Variants in SYN3 observed in about 807,000 individuals in gnomAD.
SYN3 encodes the protein synapsin-3.
A neutral mutation model predicts 65.8 loss-of-function variants in SYN3; 35 were observed. The ratio of observed to expected loss-of-function variants is 0.53; its 90% confidence interval spans 0.41 to 0.70. The LOEUF (loss-of-function observed/expected upper bound fraction) is 0.70. SYN3 is among the 30% of genes least tolerant of loss of function. The probability of loss-of-function intolerance (pLI) is 0.00; values close to 1 mark genes in which losing one functional copy is unlikely to be tolerated. For synonymous variants in SYN3, 270 were observed against 292.9 expected (o/e 0.92, Z 0.80); for missense variants, 680 against 749.0 (o/e 0.91, Z 1.08).
At chr22:32,562,135 A>G (rs1390254750) in intron 7 of SYN3, among the ~76,000 whole-genome samples, 3 of 152,218 alleles carry the variant, frequency 2.0e-5, no homozygotes, top group African/African-American at 7.2e-5. Flanking sequence ...AAGAGATAAC[A>G]TCCCCCCCAA....
At chr22:32,795,898 G>A (rs1001377512) in intron 6 of SYN3, among the ~76,000 whole-genome samples, 1 of 152,140 alleles carries the variant, frequency 6.6e-6, no homozygotes, top group Non-Finnish European at 1.5e-5. Flanking sequence ...TTCCACTGAA[G>A]AAAGCTCATG....
chr22:32,755,686 C>T (rs2045268168), intron 6 of SYN3, among the ~76,000 whole-genome samples: 1 of 152,274 alleles, frequency 6.6e-6, no homozygotes, highest in Non-Finnish European at 1.5e-5. Context: ...GGAGGAAGAA[C>T]ACTTTGTCAT....
At chr22:32,634,325 G>A (rs1251609948) in intron 6 of SYN3, among the ~76,000 whole-genome samples, 2 of 152,114 alleles carry the variant, frequency 1.3e-5, no homozygotes, top group South Asian at 2.1e-4. Context: ...ACCACTAGAC[G>A]ATAGCATCTG....
At chr22:32,827,865 A>T (rs1435766660) in intron 6 of SYN3, among the ~76,000 whole-genome samples, 1 of 152,074 alleles carries the variant, frequency 6.6e-6, no homozygotes, top group East Asian at 1.9e-4. Context: ...TTCCAGGAAC[A>T]CCTCATCCCC....
At chr22:32,799,571 G>A (rs1303188256) in intron 6 of SYN3, among the ~76,000 whole-genome samples, 1 of 152,200 alleles carries the variant, frequency 6.6e-6, no homozygotes, top group Non-Finnish European at 1.5e-5. Context: ...AGAAAGGGAA[G>A]AGAGGGCCTC....
rs779619074 is a variant in SYN3, at chr22:32,610,659, C to T, written c.712-13923G>A. 4.6e-5 allele frequency among the ~76,000 whole-genome samples: 7 copies of T among 152,026 alleles called. No homozygotes were observed. In the South Asian group the frequency reaches 8.3e-4, roughly 18 times the overall value. On this transcript the variant is annotated intron_variant, in intron 6 of 13. Transcript: ENST00000358763. The stretch of plus-strand genomic sequence containing the variant: ...GTGCAATCACGCAATCTTGGCTCAC[C>T]GCAACCTCCCCCTCCAGATGTCAAG...
intron 6 of SYN3, among the ~76,000 whole-genome samples, chr22:32,666,380 G>GC (rs130734): frequency 1 from 152,255 of 152,256 alleles, 76,127 homozygotes; most frequent in Non-Finnish European, 1. Context: ...CAGGCATTCA[G>GC]CACCAGGGCC....
At chr22:32,992,459 G>A (rs752438336) in intron 2 of SYN3, among the ~76,000 whole-genome samples, 32 of 152,326 alleles carry the variant, frequency 2.1e-4, no homozygotes, top group Admixed American at 7.8e-4. Flanking sequence ...CCAGGTGGGA[G>A]CGTCATGAAA....
At chr22:32,873,441 T>C (rs1008669996) in intron 4 of SYN3, among the ~76,000 whole-genome samples, 50 of 152,178 alleles carry the variant, frequency 3.3e-4, no homozygotes, top group African/African-American at 1.2e-3. Flanking sequence ...GTTTGGAGAG[T>C]ATTCCAGGCA....
intron 6 of SYN3, among the ~76,000 whole-genome samples, chr22:32,840,458 AAG>A (rs1462708135): frequency 3.9e-5 from 6 of 152,012 alleles, no homozygotes; most frequent in African/African-American, 1.4e-4. Flanking sequence ...GACTTCTCTG[AAG>A]AGAGAGAGTT....
intron 4 of SYN3, among the ~76,000 whole-genome samples, chr22:32,917,819 C>G (rs561223906): frequency 2.5e-4 from 38 of 152,380 alleles, no homozygotes; most frequent in African/African-American, 8.2e-4. Context: ...AGCCTGGCAT[C>G]GCTTTACAGG....
chr22:32,739,174 A>AGT (rs371077953), intron 6 of SYN3, among the ~76,000 whole-genome samples: 13 of 146,130 alleles, frequency 8.9e-5, no homozygotes, highest in Non-Finnish European at 1.3e-4. Flanking sequence ...ATTGAATCAC[A>AGT]GGGGGGGGGC....
chr22:32,523,239 G>A (rs1354044344), intron 12 of SYN3, among the ~76,000 whole-genome samples: 4 of 152,218 alleles, frequency 2.6e-5, no homozygotes, highest in Non-Finnish European at 5.9e-5. Context: ...CTGGCCGGGC[G>A]TGGTGGCTCA....
intron 6 of SYN3, among the ~76,000 whole-genome samples, chr22:32,855,926 T>C (rs1278779662): frequency 2.6e-5 from 4 of 152,230 alleles, no homozygotes; most frequent in Non-Finnish European, 4.4e-5. Context: ...TAAAACTCTT[T>C]GAACTTTGTA....
At chr22:32,628,190 AAG>A (rs1168548365) in intron 6 of SYN3, among the ~76,000 whole-genome samples, 1 of 152,018 alleles carries the variant, frequency 6.6e-6, no homozygotes, top group Non-Finnish European at 1.5e-5. Context: ...CGGCTACCAG[AAG>A]AGTGTGGGCA....
chr22:32,580,342 C>A (rs1176941229), intron 7 of SYN3, among the ~76,000 whole-genome samples: 2 of 152,102 alleles, frequency 1.3e-5, no homozygotes, highest in Non-Finnish European at 1.5e-5. Context: ...AACCATGGCC[C>A]AAAAATAGGT....
At chr22:32,552,043 G>A (rs1555894710) in intron 7 of SYN3, among the ~76,000 whole-genome samples, 1 of 152,194 alleles carries the variant, frequency 6.6e-6, no homozygotes, top group Non-Finnish European at 1.5e-5. Context: ...GAGGTTAAGA[G>A]TTGAGACCAG....
intron 6 of SYN3, among the ~76,000 whole-genome samples, chr22:32,724,772 CA>C (rs1231517806): frequency 1.3e-5 from 2 of 152,136 alleles, no homozygotes; most frequent in Non-Finnish European, 2.9e-5. Flanking sequence ...AGGACTCTGG[CA>C]TCCTGAAAAA....
intron 6 of SYN3, among the ~76,000 whole-genome samples, chr22:32,844,413 G>A (rs2048003411): frequency 6.6e-6 from 1 of 152,196 alleles, no homozygotes. Context: ...GGTGGGGAGA[G>A]GCAGCATGAA....
Sources: allele counts gnomAD v4.1 joint callset (sites outside exome capture counted in the v4.1 genomes callset), GRCh38; gene constraint gnomAD v4.1.1; transcripts MANE v1.5; gene names NCBI Gene and HGNC (gene_info 2026-07-23, HGNC 2026-07-21).